The following SPAG16 variants were observed in gnomAD, a reference collection of about 807,000 sequenced individuals.
SPAG16 encodes the protein sperm associated antigen 16.
SPAG16 carries 86 observed loss-of-function variants against 80.4 expected under a neutral mutation model. The ratio of observed to expected loss-of-function variants is 1.07; its 90% CI spans 0.90 to 1.28. SPAG16 has a LOEUF of 1.28. SPAG16 is among the 50% of genes most tolerant of loss of function. The pLI, the probability that SPAG16 is intolerant of heterozygous loss-of-function variation, is 0.00. For missense variants in SPAG16, 870 were observed against 765.3 expected (o/e 1.14, Z -1.61); for synonymous variants, 294 against 265.9 (o/e 1.11, Z -1.03).
At chr2:213,777,081 C>T (rs1226572323) in intron 10 of SPAG16, among the ~76,000 whole-genome samples, 2 of 151,856 alleles carry the variant, frequency 1.3e-5, no homozygotes, top group Non-Finnish European at 2.9e-5. Context: ...CAATTGAGAA[C>T]ATTATACTAT....
At chr2:213,922,482 C>T (rs2078269789) in intron 11 of SPAG16, among the ~76,000 whole-genome samples, 1 of 152,048 alleles carries the variant, frequency 6.6e-6, no homozygotes, top group Non-Finnish European at 1.5e-5. Context: ...TTCCCTGTAT[C>T]TTGATGATCC....
chr2:213,905,706 G>A (rs1019375902), intron 11 of SPAG16, among the ~76,000 whole-genome samples: 1 of 152,128 alleles, frequency 6.6e-6, no homozygotes, highest in African/African-American at 2.4e-5. Context: ...TTCCTTAGAT[G>A]GTAGTAAGTA....
At chr2:213,607,164 G>A (rs767937497) in intron 10 of SPAG16, among the ~76,000 whole-genome samples, 5 of 152,054 alleles carry the variant, frequency 3.3e-5, no homozygotes, top group Non-Finnish European at 5.9e-5. Context: ...CTCAAATTCA[G>A]TTTCTTCCAT....
At chr2:213,722,666 G>A (rs905421993) in intron 10 of SPAG16, among the ~76,000 whole-genome samples, 1 of 152,134 alleles carries the variant, frequency 6.6e-6, no homozygotes, top group African/African-American at 2.4e-5. Flanking sequence ...TTTAGGACAA[G>A]CAATCCAGTG....
chr2:214,231,975 A>G lies in SPAG16; in HGVS notation c.1720+82709A>G, dbSNP rs1688731618. On this transcript the variant is annotated intron_variant, in intron 15 of 15. Transcript: ENST00000331683. ...TTTAATTATTGTATAACCACTAAAC[A>G]TATTATATAATTTGTTTTTATGCAA... Among the ~76,000 whole-genome samples the G allele has an allele frequency of 2.0e-5, 3 of 152,186 alleles. No individual in the cohort carries two copies. In the South Asian group the frequency reaches 6.2e-4, roughly 32 times the overall value.
At chr2:213,813,081 A>G (rs2072281926) in intron 10 of SPAG16, among the ~76,000 whole-genome samples, 1 of 152,190 alleles carries the variant, frequency 6.6e-6, no homozygotes, top group South Asian at 2.1e-4. Context: ...GAAGCCTTAT[A>G]AGAATGTCAC....
At chr2:213,999,179 C>T (rs2046671709) in intron 12 of SPAG16, among the ~76,000 whole-genome samples, 1 of 152,196 alleles carries the variant, frequency 6.6e-6, no homozygotes, top group Non-Finnish European at 1.5e-5. Context: ...ACGGCAGCCC[C>T]TCCCATCACA....
At chr2:213,476,560 G>A (rs1027388704) in intron 9 of SPAG16, among the ~76,000 whole-genome samples, 6 of 152,176 alleles carry the variant, frequency 3.9e-5, no homozygotes, top group African/African-American at 1.4e-4. Context: ...AAAATCTGAG[G>A]ACAAGAAGCC....
At chr2:213,619,084 C>A (rs1260407493) in intron 10 of SPAG16, among the ~76,000 whole-genome samples, 1 of 152,088 alleles carries the variant, frequency 6.6e-6, no homozygotes, top group Non-Finnish European at 1.5e-5. Flanking sequence ...GGTAAAGCAA[C>A]ATGTAAGTCA....
chr2:214,046,807 A>G (rs1355487324), intron 13 of SPAG16, among the ~76,000 whole-genome samples: 1 of 152,176 alleles, frequency 6.6e-6, no homozygotes, highest in East Asian at 1.9e-4. Context: ...CTTCACAAGA[A>G]AACTGTTAAA....
intron 15 of SPAG16, among the ~76,000 whole-genome samples, chr2:214,369,356 C>T (rs776718858): frequency 6.6e-6 from 1 of 151,880 alleles, no homozygotes; most frequent in Non-Finnish European, 1.5e-5. Flanking sequence ...TTTTGTAATG[C>T]TGCGAGCTTC....
chr2:213,691,066 AG>A (rs773055608), intron 10 of SPAG16, among the ~76,000 whole-genome samples: 3 of 152,142 alleles, frequency 2.0e-5, no homozygotes, highest in Admixed American at 6.5e-5. Context: ...CACCTCTTAA[AG>A]GCCCCACCTC....
chr2:213,285,111 A>C (rs2062007074), intron 1 of SPAG16, among the ~76,000 whole-genome samples: 1 of 152,182 alleles, frequency 6.6e-6, no homozygotes. Context: ...TGGTCCAGTT[A>C]ATGCTTAAAT....
chr2:213,791,789 G>A (rs1178010886), intron 10 of SPAG16, among the ~76,000 whole-genome samples: 1 of 152,138 alleles, frequency 6.6e-6, no homozygotes, highest in Non-Finnish European at 1.5e-5. Context: ...TTAGGAGTGA[G>A]TATAAAAATG....
intron 15 of SPAG16, among the ~76,000 whole-genome samples, chr2:214,397,158 CTTTTTT>C (rs66580402): frequency 7.7e-6 from 1 of 129,964 alleles, no homozygotes; most frequent in Admixed American, 8.3e-5. Context: ...TTTTAATTTT[CTTTTTT>C]TTTTTTTTTT....
intron 10 of SPAG16, among the ~76,000 whole-genome samples, chr2:213,587,562 T>C (rs1376663578): frequency 6.6e-6 from 1 of 152,196 alleles, no homozygotes; most frequent in Non-Finnish European, 1.5e-5. Flanking sequence ...TTCATTGTCC[T>C]GATGAATAGC....
At chr2:213,554,467 C>T (rs1575952419) in intron 10 of SPAG16, among the ~76,000 whole-genome samples, 1 of 152,136 alleles carries the variant, frequency 6.6e-6, no homozygotes, top group East Asian at 1.9e-4. Context: ...CATAGAAAGC[C>T]AATAAGATTT....
chr2:213,448,411 A>G (rs890335802), intron 9 of SPAG16, among the ~76,000 whole-genome samples: 5 of 152,238 alleles, frequency 3.3e-5, no homozygotes, highest in African/African-American at 1.2e-4. Context: ...ATCAGGTGGA[A>G]GAAAGTCTTT....
At chr2:213,686,030 C>G (rs1394100247) in intron 10 of SPAG16, among the ~76,000 whole-genome samples, 3 of 152,136 alleles carry the variant, frequency 2.0e-5, no homozygotes, top group African/African-American at 7.2e-5. Flanking sequence ...GTATCATAAT[C>G]AAGATAGTTA....
Sources: gnomAD v4.1 joint callset for allele counts (sites outside exome capture counted in the v4.1 genomes callset) on GRCh38, gnomAD v4.1.1 for gene constraint, MANE v1.5 for transcripts, NCBI Gene and HGNC (gene_info 2026-07-23, HGNC 2026-07-21) for gene names.